The following SH3BP4 variants were observed in gnomAD, a reference collection of about 807,000 sequenced individuals.
SH3BP4 encodes the protein SH3 domain-binding protein 4.
A neutral mutation model predicts 65.5 loss-of-function variants in SH3BP4; 33 were observed. The observed-to-expected ratio is 0.50, with a 90% CI of 0.38 to 0.67. SH3BP4 has a LOEUF of 0.67. Among genes scored for constraint, SH3BP4 ranks in the 30% least tolerant of loss-of-function variants. SH3BP4 has a pLI of 0.00. For missense variants in SH3BP4, 1,134 were observed against 1,261.4 expected, an observed-to-expected ratio of 0.90 and a Z score of 1.53; for synonymous variants, 552 against 545.5, an observed-to-expected ratio of 1.01 and a Z score of -0.17.
chr2:235,011,165 C>G (rs112722627), intron 2 of SH3BP4, among the ~76,000 whole-genome samples: 6 of 142,300 alleles, frequency 4.2e-5, no homozygotes, highest in Non-Finnish European at 9.3e-5. Context: ...CCTAGGAGAA[C>G]CCTTCCTCCC....
rs777418842 is a variant in SH3BP4, at chr2:235,035,100, C to T, written c.98C>T (p.Thr33Met). ...GACCTGAGCGAAGGGTTTTCAGAGA[C>T]GAGCTTTAATGACATCAAAGGTGAG... ...LIDLSEGFSE[T>M]SFNDIKVPSP... Residue 33 changes from threonine to methionine, a missense_variant, in exon 3 of 6, where the codon ACG becomes ATG. Physicochemically the swap from Thr to Met is moderately conservative, Grantham distance 81. Transcript: ENST00000392011. This position sits in a 1 kb window ranked among gnomAD's most constrained non-coding sequence, Gnocchi z 5.0. 1.1e-5 allele frequency: 18 copies of T among 1,613,384 alleles called. No homozygotes were observed. The highest frequency in any genetic ancestry group is 4.4e-5 in the South Asian group (4 of 91,080).
At chr2:235,003,786 C>T (rs990152884) in intron 2 of SH3BP4, among the ~76,000 whole-genome samples, 2 of 152,216 alleles carry the variant, frequency 1.3e-5, no homozygotes, top group African/African-American at 2.4e-5. Flanking sequence ...GGCTGGGGGG[C>T]TTGCAGTGTC....
chr2:235,027,750 C>T (rs541663971), intron 2 of SH3BP4, among the ~76,000 whole-genome samples: 7 of 152,186 alleles, frequency 4.6e-5, no homozygotes, highest in South Asian at 2.1e-4. Flanking sequence ...CCTTCTGCAG[C>T]GTTCAGGTTC....
chr2:235,011,856 T>C (rs1694519044), intron 2 of SH3BP4, among the ~76,000 whole-genome samples: 2 of 152,196 alleles, frequency 1.3e-5, no homozygotes, highest in African/African-American at 4.8e-5. Context: ...GGAGCCACCC[T>C]GAAGCCCTCC....
At chr2:234,968,906 A>C (rs1372972766) in intron 1 of SH3BP4, among the ~76,000 whole-genome samples, 1 of 152,206 alleles carries the variant, frequency 6.6e-6, no homozygotes, top group African/African-American at 2.4e-5. Context: ...AACAGTGTGC[A>C]AGTGATTCTT....
intron 1 of SH3BP4, among the ~76,000 whole-genome samples, chr2:234,955,271 G>A (rs1308591047): frequency 5.9e-5 from 9 of 152,144 alleles, no homozygotes; most frequent in African/African-American, 9.6e-5. Flanking sequence ...GCCAAGCAAC[G>A]TTTACACTCA....
At position 234,967,895 on chromosome 2, in the gene SH3BP4, G is replaced by A. The variant is rs1692880528; in HGVS notation, c.-207+15725G>A. Among the ~76,000 whole-genome samples, 4 of 152,308 alleles carry A rather than the reference G, an allele frequency of 2.6e-5. No homozygotes were observed. In the South Asian group the frequency reaches 8.3e-4, roughly 32 times the overall value. Reference sequence around the variant, plus strand: ...CCCTCAGGTATCTGTACTTTGTGGGGCTTCTCTGATTGGCCATTGTGTGTT... The same window carrying A: ...CCCTCAGGTATCTGTACTTTGTGGGACTTCTCTGATTGGCCATTGTGTGTT... On this transcript the variant is annotated intron_variant, in intron 1 of 5. Transcript: ENST00000392011. The surrounding 1 kb of genome is among the most constrained non-coding windows in gnomAD (Gnocchi z 4.6).
intron 2 of SH3BP4, among the ~76,000 whole-genome samples, chr2:235,017,092 C>G (rs764643697): frequency 4.9e-5 from 7 of 143,430 alleles, no homozygotes; most frequent in Non-Finnish European, 1.0e-4. Context: ...TCTCATGTAC[C>G]CAAAGAAAAT....
In SH3BP4 at chr2:235,055,203, C is replaced by T. The variant is rs895290795; in HGVS notation, c.*1387C>T. 14 of 152,190 alleles carry T rather than the reference C, an allele frequency of 9.2e-5. No homozygotes were observed. Among genetic ancestry groups the T allele is most frequent in the African/African-American group, 3.1e-4 (13 of 41,432 alleles). The allele number at this position is 152,190 out of a possible 1,614,324, so 9.4% of individuals were successfully genotyped here. On this transcript the variant is annotated 3_prime_UTR_variant, in exon 6 of 6. Transcript: ENST00000392011. ...TCCTTAGCAACGTGCCAGGACACTTCCTGTGTGCCTGCAGTTGTCAGGGAC... is the reference window on the plus strand; with the variant it reads ...TCCTTAGCAACGTGCCAGGACACTTTCTGTGTGCCTGCAGTTGTCAGGGAC...
At chr2:234,981,710 CTG>C (rs1693389789) in intron 1 of SH3BP4, 1 of 50,292 alleles carries the variant, frequency 2.0e-5, no homozygotes, top group African/African-American at 1.8e-4. Context: ...GAAGTCACGA[CTG>C]ACTTTCGGGA....
At chr2:235,031,417 G>A (rs1454281633) in intron 2 of SH3BP4, among the ~76,000 whole-genome samples, 1 of 152,194 alleles carries the variant, frequency 6.6e-6, no homozygotes, top group Non-Finnish European at 1.5e-5. Context: ...TGCTCCCAGG[G>A]CGCTGGAGGC....
chr2:234,985,045 G>A (rs1693504392), intron 1 of SH3BP4, among the ~76,000 whole-genome samples: 1 of 152,172 alleles, frequency 6.6e-6, no homozygotes, highest in South Asian at 2.1e-4. Context: ...AGCCCTGGGG[G>A]CTATATGTCT....
At chr2:234,984,839 C>CAGCA (rs142292002) in intron 1 of SH3BP4, among the ~76,000 whole-genome samples, 18,413 of 151,970 alleles carry the variant, frequency 0.12, 1,187 homozygotes, top group Non-Finnish European at 0.14. Flanking sequence ...TGACTGGTCC[C>CAGCA]AGCAGTCCAT....
intron 1 of SH3BP4, among the ~76,000 whole-genome samples, chr2:234,986,952 A>C (rs1399882196): frequency 1.3e-5 from 2 of 151,676 alleles, no homozygotes; most frequent in Admixed American, 6.6e-5. Context: ...TTTTGTATTT[A>C]GTAGAGATGA....
rs950596806 is a variant in SH3BP4, at chr2:234,997,140, G to C, written c.-133+1764G>C. ...GAGCGTTGCATGTGCCTCTGGGTGG[G>C]GTGTAGGGGTGCTTGGGGGCGTGGG... On this transcript the variant is annotated intron_variant, in intron 2 of 5. Coordinates refer to ENST00000392011, the MANE Select transcript of SH3BP4 (RefSeq NM_014521.3). This position sits in a 1 kb window ranked among gnomAD's most constrained non-coding sequence, Gnocchi z 4.2. Among the ~76,000 whole-genome samples the C allele has an allele frequency of 5.9e-5, 9 of 152,238 alleles. No homozygotes were observed. The highest frequency in any genetic ancestry group is 2.2e-4 in the African/African-American group (9 of 41,466).
At chr2:235,028,407 A>ACC (rs1695071178) in intron 2 of SH3BP4, among the ~76,000 whole-genome samples, 4 of 152,218 alleles carry the variant, frequency 2.6e-5, no homozygotes, top group Non-Finnish European at 5.9e-5. Context: ...TGTTTTGAGA[A>ACC]TGTGTGGCTT....
chr2:235,033,914 G>A lies in SH3BP4; in HGVS notation c.-132-957G>A, dbSNP rs1161168028. ...AGGAATTGAGGAAAAAGGGACCTCA[G>A]ACCATTGTATATGTGCCCAGTTATA... is the stretch of plus-strand genomic sequence containing the variant. On this transcript the variant is annotated intron_variant, in intron 2 of 5. Transcript: ENST00000392011. The surrounding 1 kb of genome is among the most constrained non-coding windows in gnomAD (Gnocchi z 5.7). 6.6e-6 allele frequency among the ~76,000 whole-genome samples: 1 copy of A among 152,198 alleles called. No individual in the cohort carries two copies. Among genetic ancestry groups the A allele is most frequent in the East Asian group, 1.9e-4 (1 of 5,194 alleles).
Position 234,959,676 on chromosome 2 carries a change from C to T in SH3BP4, c.-207+7506C>T, listed in dbSNP as rs142469233. 6.2e-3 allele frequency among the ~76,000 whole-genome samples: 841 copies of T among 136,488 alleles called. 10 individuals carry two copies. Among genetic ancestry groups the T allele is most frequent in the African/African-American group, 0.022 (784 of 36,192 alleles). 89.5% of individuals were successfully genotyped at this position (136,488 alleles called of 152,430 possible). A position where few individuals can be genotyped will look rare whatever the true frequency, so the allele number is the denominator to read the frequency against. ...GACTTTTTTTTTTTTTTTTTTGAGA[C>T]GGAATCTCACTCTTGCCCACGCTGG... is the stretch of plus-strand genomic sequence containing the variant. On this transcript the variant is annotated intron_variant, in intron 1 of 5. Transcript: ENST00000392011.
At chr2:234,981,906 G>C (rs1329956913) in intron 1 of SH3BP4, among the ~76,000 whole-genome samples, 1 of 152,140 alleles carries the variant, frequency 6.6e-6, no homozygotes, top group Non-Finnish European at 1.5e-5. Context: ...ATATCGTGGA[G>C]CGCATCTCTT....
Sources: gnomAD v4.1 joint callset for allele counts (sites outside exome capture counted in the v4.1 genomes callset) on GRCh38, gnomAD v4.1.1 for gene constraint, Gnocchi (gnomAD v3.1) non-coding constraint, MANE v1.5 for transcripts, NCBI Gene and HGNC (gene_info 2026-07-23, HGNC 2026-07-21) for gene names.